Variants in SLC22A11 observed in about 807,000 individuals in gnomAD.
SLC22A11 encodes organic anion transporter 4.
Under a neutral mutation model 49.4 loss-of-function variants are expected in SLC22A11, and 42 were observed. That is an observed-to-expected ratio of 0.85 (90% CI 0.66 to 1.10). The LOEUF (loss-of-function observed/expected upper bound fraction) is 1.10. Among genes scored for constraint, SLC22A11 ranks in the 50% least tolerant of loss-of-function variants. The pLI is 0.00. For missense variants in SLC22A11, 685 were observed against 731.6 expected, an observed-to-expected ratio of 0.94 and a Z score of 0.74; for synonymous variants, 304 against 315.8, an observed-to-expected ratio of 0.96 and a Z score of 0.40.
At position 64,561,923 on chromosome 11, in the gene SLC22A11, C is replaced by T. The variant is rs75988515; in HGVS notation, c.498-81C>T. Reference sequence around the variant, plus strand: ...AGAGATCCCCTGGCGTTGTTGAACTCCCAGAAGGCAAGTACCTGCCCACAT... The same window carrying T: ...AGAGATCCCCTGGCGTTGTTGAACTTCCAGAAGGCAAGTACCTGCCCACAT... On this transcript the variant is annotated intron_variant, in intron 2 of 9. Transcript: ENST00000301891. 4.7e-6 allele frequency: 7 copies of T among 1,505,022 alleles called. No individual in the cohort carries two copies. The East Asian group carries it at 1.6e-4, about 35-fold the overall frequency. 93.2% of individuals were successfully genotyped at this position (1,505,022 alleles called of 1,614,324 possible).
chr11:64,560,270 C>T (rs964746351), intron 2 of SLC22A11, among the ~76,000 whole-genome samples: 2 of 152,102 alleles, frequency 1.3e-5, no homozygotes, highest in African/African-American at 4.8e-5. Context: ...AGGCAGGCTG[C>T]AACCCCTCGC....
intron 4 of SLC22A11, among the ~76,000 whole-genome samples, chr11:64,563,325 G>A (rs546331775): frequency 5.5e-4 from 84 of 152,136 alleles, no homozygotes; most frequent in Admixed American, 8.5e-4. Flanking sequence ...ATGAAGGACC[G>A]AGACCTAGAA....
rs760296514 is a variant in SLC22A11 at position 64,564,160 on chromosome 11, A to C, written c.822-148A>C. ...TATTCTGAAACCGCTGGGGACTGCC[A>C]GGCTCCTGGCTGGGCAGCAGCGGCA... On this transcript the variant is annotated intron_variant, in intron 4 of 9. Transcript: ENST00000301891. This position sits in a 1 kb window ranked among gnomAD's most constrained non-coding sequence, Gnocchi z 4.2. The C allele has an allele frequency of 4.4e-5, 45 of 1,029,094 alleles. No individual in the cohort carries two copies. The highest frequency in any genetic ancestry group is 1.1e-4 in the Admixed American group (4 of 36,128). 63.7% of individuals were successfully genotyped at this position (1,029,094 alleles called of 1,614,324 possible).
chr11:64,568,474 G>C (rs898270609), intron 7 of SLC22A11, among the ~76,000 whole-genome samples, 196 bp from the exon 8 acceptor site: 1 of 152,180 alleles, frequency 6.6e-6, no homozygotes, highest in Admixed American at 6.5e-5. Context: ...TGTGCCCCTC[G>C]GGCCCCTGCC....
Position 64,565,586 on chromosome 11 carries a change from G to T in SLC22A11, c.1058+249G>T. The T allele has an allele frequency of 1.7e-6, 1 of 580,112 alleles. No individual in the cohort carries two copies. The highest frequency in any genetic ancestry group is 3.3e-6 in the Non-Finnish European group (1 of 307,308). The allele number at this position is 580,112 out of a possible 1,614,324, so 35.9% of individuals were successfully genotyped here. A position where few individuals can be genotyped will look rare whatever the true frequency, so the allele number is the denominator to read the frequency against. On this transcript the variant is annotated intron_variant, in intron 6 of 9. Transcript: ENST00000301891. The surrounding 1 kb of genome is among the most constrained non-coding windows in gnomAD (Gnocchi z 4.1). ...AAGCCAGAGGAAAAGGCAGCTCTAG[G>T]CTGGGGGTCCCAGGGTCCCAGGGAG...
chr11:64,568,139 C>T (rs1318517391), intron 7 of SLC22A11, among the ~76,000 whole-genome samples: 1 of 152,246 alleles, frequency 6.6e-6, no homozygotes, highest in Non-Finnish European at 1.5e-5. Context: ...AGAGCCCAAG[C>T]TCTGAGCGCG....
chr11:64,562,635 C>T lies in SLC22A11; in HGVS notation c.821+200C>T, dbSNP rs548429573. 6.6e-6 allele frequency among the ~76,000 whole-genome samples: 1 copy of T among 152,294 alleles called. No homozygotes were observed. Among genetic ancestry groups the T allele is most frequent in the East Asian group, 1.9e-4 (1 of 5,178 alleles). On this transcript the variant is annotated intron_variant, in intron 4 of 9. Transcript: ENST00000301891. This position sits in a 1 kb window ranked among gnomAD's most constrained non-coding sequence, Gnocchi z 4.4. ...TGTTGCAGCCCGAGGTCCGTGGCTC[C>T]CATCCAGCCCAGACAGGCCAAGATG...
Position 64,564,379 on chromosome 11 carries a change from A to G in SLC22A11, c.893A>G (p.Lys298Arg). 1 of 1,614,156 alleles carries G rather than the reference A, an allele frequency of 6.2e-7. No homozygotes were observed. The highest frequency in any genetic ancestry group is 8.5e-7 in the Non-Finnish European group (1 of 1,180,024). Reference protein sequence around the residue: ...KPDQALQELRKVARINGHKEA... With the variant: ...KPDQALQELRRVARINGHKEA... ...GACCAAGCACTTCAGGAGCTCAGAA[A>G]GGTGGCCAGGATAAATGGCCACAAG... Residue 298 changes from lysine to arginine, a missense_variant, in exon 5 of 10, where the codon AAG becomes AGG. Transcript: ENST00000301891. The surrounding 1 kb of genome is among the most constrained non-coding windows in gnomAD (Gnocchi z 4.2).
At chr11:64,559,057 G>A (rs992991288) in intron 1 of SLC22A11, 78 bp from the exon 2 acceptor site, 1 of 1,252,066 alleles carries the variant, frequency 8.0e-7, no homozygotes, top group African/African-American at 1.5e-5. Context: ...CCCCAGTGTG[G>A]GTCAGGCGTT....
At chr11:64,557,957 C>G (rs2038487127) in intron 1 of SLC22A11, among the ~76,000 whole-genome samples, 1 of 152,074 alleles carries the variant, frequency 6.6e-6, no homozygotes, top group African/African-American at 2.4e-5. Context: ...ACAACCACTC[C>G]CGGCTAATTT....
At position 64,562,346 on chromosome 11, in the gene SLC22A11, G is replaced by A. The variant is rs770582403; in HGVS notation, c.732G>A (p.Ala244=). The part of the protein sequence containing the change: ...VGCAFSAGQA[A]LGGLAFALRD... ...GTGCCTTCAGCGCAGGCCAGGCGGC[G>A]CTGGGCGGCCTGGCCTTTGCCCTGC... The change falls in exon 4 of 10, where the codon GCG becomes GCA. Residue 244 remains alanine, a synonymous_variant. Coordinates refer to ENST00000301891, the MANE Select transcript of SLC22A11 (RefSeq NM_018484.4). This position sits in a 1 kb window ranked among gnomAD's most constrained non-coding sequence, Gnocchi z 4.4. 4.1e-5 allele frequency: 66 copies of A among 1,611,196 alleles called. No homozygotes were observed. Among genetic ancestry groups the A allele is most frequent in the Middle Eastern group, 3.3e-4 (2 of 6,080 alleles).
At chr11:64,570,867 G>A in intron 9 of SLC22A11, 112 bp from the exon 10 acceptor site, 1 of 972,022 alleles carries the variant, frequency 1.0e-6, no homozygotes, top group African/African-American at 1.6e-5. Context: ...GGGAGTAAAA[G>A]CCTAATGCCA....
chr11:64,568,898 C>T (rs77918613), intron 8 of SLC22A11, 120 bp downstream of exon 8: 1 of 790,272 alleles, frequency 1.3e-6, no homozygotes, highest in African/African-American at 1.7e-5. Context: ...GGGTCCCCCC[C>T]AGGACAGCTC....
chr11:64,570,949 A>G, intron 9 of SLC22A11, 30 bp from the exon 10 acceptor site: 3 of 1,613,728 alleles, frequency 1.9e-6, no homozygotes, highest in Non-Finnish European at 2.5e-6. Flanking sequence ...ACTTCACCAC[A>G]TGGCACTGCT....
In SLC22A11 at chr11:64,556,406, C is replaced by A. The variant is rs2038460553; in HGVS notation, c.393+14C>A. 1 of 1,607,988 alleles carries A rather than the reference C, an allele frequency of 6.2e-7. No individual in the cohort carries two copies. On this transcript the variant is annotated intron_variant, in intron 1 of 9. Coordinates refer to ENST00000301891, the MANE Select transcript of SLC22A11 (RefSeq NM_018484.4). ...ATCGTGGCCAAGGTAGGGCCTCCCC[C>A]AGAGCCACTCGAGTCCCGTCACCTT...
intron 8 of SLC22A11, 98 bp downstream of exon 8, chr11:64,568,876 C>T (rs1367709819): frequency 1.0e-6 from 1 of 985,174 alleles, no homozygotes; most frequent in Admixed American, 1.8e-5. Flanking sequence ...GAAATGCAGC[C>T]AGGGCCGCTC....
chr11:64,569,710 C>G lies in SLC22A11; in HGVS notation c.1441C>G (p.Leu481Val). The change falls in exon 9 of 10, where the codon CTG (leucine) becomes GTG (valine). Residue 481 changes from leucine (L) to valine (V), a missense_variant. Transcript: ENST00000301891. ...VGRLGAMMGP[L>V]ILMSRQALPL... ...CCGGCTGGGGGCTATGATGGGTCCC[C>G]TGATCCTGATGAGCCGCCAAGCCCT... is the stretch of plus-strand genomic sequence containing the variant. 6.2e-7 allele frequency: 1 copy of G among 1,614,170 alleles called. No individual in the cohort carries two copies. Among genetic ancestry groups the G allele is most frequent in the African/African-American group, 1.3e-5 (1 of 75,042 alleles).
Position 64,564,456 on chromosome 11 carries a change from A to G in SLC22A11, c.942+28A>G, listed in dbSNP as rs2038595549. On this transcript the variant is annotated intron_variant, in intron 5 of 9. Coordinates refer to ENST00000301891, the MANE Select transcript of SLC22A11 (RefSeq NM_018484.4). This position sits in a 1 kb window ranked among gnomAD's most constrained non-coding sequence, Gnocchi z 4.2. ...GAGATGCTGCTGTCTGCGAGACTTG[A>G]CCTGGGACAGGACGTGCACTGAGGG... is the stretch of plus-strand genomic sequence containing the variant. 4 of 1,612,360 alleles carry G rather than the reference A, an allele frequency of 2.5e-6. No individual in the cohort carries two copies. The highest frequency in any genetic ancestry group is 3.4e-6 in the Non-Finnish European group (4 of 1,179,078).
In SLC22A11 at chr11:64,569,662, G is replaced by A. The variant is rs932204903; in HGVS notation, c.1393G>A (p.Asp465Asn). 12 of 1,613,884 alleles carry A rather than the reference G, an allele frequency of 7.4e-6. No homozygotes were observed. Among genetic ancestry groups the A allele is most frequent in the African/African-American group, 1.3e-5 (1 of 74,922 alleles). ...CCCCTTCACCCACAGGATGACAGCA[G>A]ATGGCATTCTGCATACAGTGGGCCG... The part of the protein sequence containing the change: ...LFPTPVRMTA[D>N]GILHTVGRLG... The change falls in exon 9 of 10, where the codon GAT becomes AAT. Residue 465 changes from aspartate (D) to asparagine (N), a missense_variant. Asp to Asn is a conservative substitution (Grantham distance 23, BLOSUM62 1). Transcript: ENST00000301891.
Sources: gnomAD v4.1 joint callset for allele counts (sites outside exome capture counted in the v4.1 genomes callset) on GRCh38, gnomAD v4.1.1 for gene constraint, Gnocchi (gnomAD v3.1) non-coding constraint, MANE v1.5 for transcripts, NCBI Gene and HGNC (gene_info 2026-07-23, HGNC 2026-07-21) for gene names.